Variants in TEX2 observed in about 807,000 individuals in gnomAD.
The protein encoded by TEX2 is testis-expressed protein 2.
A neutral mutation model predicts 106.9 loss-of-function variants in TEX2; 53 were observed. The ratio of observed to expected loss-of-function variants is 0.50; its 90% CI spans 0.40 to 0.62. The LOEUF (loss-of-function observed/expected upper bound fraction) is 0.62, where lower values mean the gene tolerates loss of function less well. Among genes scored for constraint, TEX2 ranks in the 20% least tolerant of loss-of-function variants. The pLI is 0.00. For missense variants in TEX2, 1,207 were observed against 1,379.0 expected (o/e 0.88, Z 1.98); for synonymous variants, 523 against 534.8 (o/e 0.98, Z 0.30).
intron 1 of TEX2, among the ~76,000 whole-genome samples, chr17:64,241,275 T>C (rs2033883122): frequency 6.6e-6 from 1 of 152,232 alleles, no homozygotes; most frequent in Non-Finnish European, 1.5e-5. Context: ...AGCAGGAAGA[T>C]GCTCAGTTCT....
intron 1 of TEX2, among the ~76,000 whole-genome samples, chr17:64,259,464 C>G (rs868907150): frequency 1.3e-5 from 2 of 152,168 alleles, no homozygotes; most frequent in Non-Finnish European, 2.9e-5. Flanking sequence ...TTACTTTAAA[C>G]TTGGGATTTA....
At chr17:64,201,420 T>TTAC (rs1168288836) in intron 2 of TEX2, among the ~76,000 whole-genome samples, 1 of 152,340 alleles carries the variant, frequency 6.6e-6, no homozygotes, top group Admixed American at 6.5e-5. Flanking sequence ...AACACTAATA[T>TTAC]TACTATTCAT....
intron 6 of TEX2, 116 bp from the exon 7 acceptor site, chr17:64,171,315 T>A: frequency 1.3e-6 from 1 of 792,548 alleles, no homozygotes; most frequent in Non-Finnish European, 2.1e-6. Flanking sequence ...ACATATCATT[T>A]ATGTAACGAA....
intron 2 of TEX2, among the ~76,000 whole-genome samples, chr17:64,208,984 C>T (rs1156530006): frequency 6.6e-6 from 1 of 152,180 alleles, no homozygotes; most frequent in African/African-American, 2.4e-5. Context: ...TACCAACTCA[C>T]TGCTCAAATC....
chr17:64,172,403 T>A (rs1353048961), intron 6 of TEX2, among the ~76,000 whole-genome samples: 3 of 150,644 alleles, frequency 2.0e-5, no homozygotes, highest in Admixed American at 2.0e-4. Context: ...TGCTGAACAT[T>A]TTCTGTTTGC....
intron 7 of TEX2, among the ~76,000 whole-genome samples, chr17:64,162,815 C>G (rs1273372940): frequency 6.6e-6 from 1 of 152,210 alleles, no homozygotes; most frequent in Non-Finnish European, 1.5e-5. Flanking sequence ...GAGACCTATA[C>G]TGCCTCTTTC....
chr17:64,171,084 G>A lies in TEX2; in HGVS notation c.2671+16C>T. 6.3e-7 allele frequency: 1 copy of A among 1,599,918 alleles called. No individual in the cohort carries two copies. The highest frequency in any genetic ancestry group is 8.6e-7 in the Non-Finnish European group (1 of 1,167,090). On this transcript the variant is annotated intron_variant, in intron 7 of 11. Coordinates refer to ENST00000584379, the MANE Select transcript of TEX2 (RefSeq NM_001288732.2). ...GATATATTTTAACACTCATAGAATGGTCAGTTAGGAGTTACCTTGGTGATC... is the reference window on the plus strand; with the variant it reads ...GATATATTTTAACACTCATAGAATGATCAGTTAGGAGTTACCTTGGTGATC...
intron 7 of TEX2, among the ~76,000 whole-genome samples, chr17:64,164,140 T>C (rs914176860): frequency 1.3e-5 from 2 of 152,058 alleles, no homozygotes; most frequent in Non-Finnish European, 2.9e-5. Context: ...CGAGCCCCTA[T>C]AAAACTGGCA....
chr17:64,196,481 G>T (rs1555629307), intron 2 of TEX2, among the ~76,000 whole-genome samples: 1 of 152,154 alleles, frequency 6.6e-6, no homozygotes, highest in Non-Finnish European at 1.5e-5. Context: ...TGAGCTGGGA[G>T]GTTCTCTCCC....
intron 1 of TEX2, among the ~76,000 whole-genome samples, chr17:64,238,063 A>T (rs534325374): frequency 6.6e-6 from 1 of 152,290 alleles, no homozygotes; most frequent in East Asian, 1.9e-4. Context: ...AGACTTTGGG[A>T]GGCCGAGGTG....
At chr17:64,164,885 T>C (rs2031054952) in intron 7 of TEX2, among the ~76,000 whole-genome samples, 1 of 152,204 alleles carries the variant, frequency 6.6e-6, no homozygotes, top group Non-Finnish European at 1.5e-5. Flanking sequence ...AGTCCTCCCG[T>C]GGCCATGTGA....
intron 7 of TEX2, among the ~76,000 whole-genome samples, chr17:64,166,854 G>T (rs1000918601): frequency 1.3e-5 from 2 of 152,220 alleles, no homozygotes; most frequent in Non-Finnish European, 2.9e-5. Flanking sequence ...GGAGGTGGCA[G>T]CCCAGGGTAG....
At chr17:64,186,008 G>T (rs2032057779) in intron 5 of TEX2, among the ~76,000 whole-genome samples, 1 of 152,170 alleles carries the variant, frequency 6.6e-6, no homozygotes, top group Admixed American at 6.5e-5. Context: ...GAACAAGAGA[G>T]CCCCTGACAG....
intron 5 of TEX2, among the ~76,000 whole-genome samples, chr17:64,179,812 C>T (rs972638356): frequency 1.3e-5 from 2 of 152,010 alleles, no homozygotes; most frequent in Non-Finnish European, 2.9e-5. Context: ...CTGGTCAGCC[C>T]ATTTCAGAAG....
At chr17:64,179,896 C>T (rs1041927849) in intron 5 of TEX2, among the ~76,000 whole-genome samples, 1 of 152,172 alleles carries the variant, frequency 6.6e-6, no homozygotes, top group Non-Finnish European at 1.5e-5. Context: ...GTGACGTTTT[C>T]TGTCATTAAC....
intron 5 of TEX2, among the ~76,000 whole-genome samples, chr17:64,180,553 G>A (rs1490300399): frequency 6.6e-6 from 1 of 152,192 alleles, no homozygotes; most frequent in Non-Finnish European, 1.5e-5. Flanking sequence ...CTGCTAGGAA[G>A]GCCCAACGAA....
rs143390012 is a variant in TEX2, at chr17:64,225,966, C to A, written c.-25-11724G>T. Among the ~76,000 whole-genome samples the A allele has an allele frequency of 4.9e-4, 75 of 152,290 alleles. 1 individual carries two copies. In the East Asian group the frequency reaches 0.012, roughly 24 times the overall value. On this transcript the variant is annotated intron_variant, in intron 1 of 11. Coordinates refer to ENST00000584379, the MANE Select transcript of TEX2 (RefSeq NM_001288732.2). ...CTCCTGGCCTCAGGTGATCTGCCTGCCTTGGCTTCCCAAAGTGCTGGGATT... is the reference window on the plus strand; with the variant it reads ...CTCCTGGCCTCAGGTGATCTGCCTGACTTGGCTTCCCAAAGTGCTGGGATT...
intron 2 of TEX2, among the ~76,000 whole-genome samples, chr17:64,197,151 A>G (rs1347207480): frequency 6.6e-6 from 1 of 151,790 alleles, no homozygotes; most frequent in Non-Finnish European, 1.5e-5. Context: ...TGCATTTGGG[A>G]AGTGTTCCCT....
At chr17:64,197,201 T>C (rs1397459523) in intron 2 of TEX2, among the ~76,000 whole-genome samples, 1 of 152,010 alleles carries the variant, frequency 6.6e-6, no homozygotes, top group Non-Finnish European at 1.5e-5. Context: ...ATTAATAATA[T>C]TTCTTCCTTA....
Sources: allele counts gnomAD v4.1 joint callset (sites outside exome capture counted in the v4.1 genomes callset), GRCh38; gene constraint gnomAD v4.1.1; transcripts MANE v1.5; gene names NCBI Gene and HGNC (gene_info 2026-07-23, HGNC 2026-07-21).